The following NKAIN2 variants were observed in gnomAD, a reference collection of about 807,000 sequenced individuals.
The protein encoded by NKAIN2 is sodium/potassium transporting ATPase interacting 2.
Under a neutral mutation model 32.6 loss-of-function variants are expected in NKAIN2, and 14 were observed. The ratio of observed to expected loss-of-function variants is 0.43; its 90% CI spans 0.28 to 0.67. NKAIN2 has a LOEUF of 0.67. Among genes scored for constraint, NKAIN2 ranks in the 30% least tolerant of loss-of-function variants. NKAIN2 has a pLI of 0.17. For synonymous variants in NKAIN2, 80 were observed against 87.2 expected, an observed-to-expected ratio of 0.92 and a Z score of 0.46; for missense variants, 198 against 258.3, an observed-to-expected ratio of 0.77 and a Z score of 1.60.
intron 4 of NKAIN2, among the ~76,000 whole-genome samples, chr6:124,743,098 A>C (rs1420509712): frequency 1.3e-5 from 2 of 151,836 alleles, no homozygotes; most frequent in Non-Finnish European, 2.9e-5. Context: ...GAGGCAGGGG[A>C]TAGTGGTTGA....
intron 1 of NKAIN2, among the ~76,000 whole-genome samples, chr6:124,265,427 A>G (rs1258806730): frequency 6.6e-6 from 1 of 152,220 alleles, no homozygotes; most frequent in East Asian, 1.9e-4. Flanking sequence ...CAGGACACAT[A>G]GCACATACCA....
intron 1 of NKAIN2, among the ~76,000 whole-genome samples, chr6:123,951,913 T>C (rs1777345331): frequency 1.3e-5 from 2 of 151,934 alleles, no homozygotes; most frequent in African/African-American, 4.8e-5. Flanking sequence ...CATTTTTCTA[T>C]CTGTACAGTC....
intron 3 of NKAIN2, among the ~76,000 whole-genome samples, chr6:124,647,496 C>CAAAAAAAAAAA (rs1157607122): frequency 2.4e-4 from 14 of 58,936 alleles, no homozygotes; most frequent in Middle Eastern, 0.024. Flanking sequence ...GAGACTCTGT[C>CAAAAAAAAAAA]AAAAAAAAAA....
At chr6:124,359,248 C>A (rs1006083687) in intron 3 of NKAIN2, among the ~76,000 whole-genome samples, 18 of 148,154 alleles carry the variant, frequency 1.2e-4, no homozygotes, top group African/African-American at 3.9e-4. Context: ...ATTGACTTGG[C>A]AATGTGGGCT....
At chr6:124,385,746 T>C (rs1329552007) in intron 3 of NKAIN2, among the ~76,000 whole-genome samples, 6 of 150,940 alleles carry the variant, frequency 4.0e-5, no homozygotes, top group Admixed American at 2.6e-4. Flanking sequence ...ATCTCATGAG[T>C]AGCCAAGATC....
At chr6:124,308,600 C>T (rs1257822925) in intron 2 of NKAIN2, among the ~76,000 whole-genome samples, 1 of 152,008 alleles carries the variant, frequency 6.6e-6, no homozygotes, top group Non-Finnish European at 1.5e-5. Context: ...GCTTATTGTG[C>T]TTTAGAAAGA....
chr6:124,520,009 G>A (rs1779061879), intron 3 of NKAIN2, among the ~76,000 whole-genome samples: 1 of 152,012 alleles, frequency 6.6e-6, no homozygotes. Context: ...GAAACCTAAG[G>A]CAAACATGCT....
intron 1 of NKAIN2, among the ~76,000 whole-genome samples, chr6:124,093,661 A>G (rs1784523502): frequency 1.3e-5 from 2 of 152,152 alleles, no homozygotes; most frequent in African/African-American, 4.8e-5. Context: ...AAATTTTCAT[A>G]TGAAGTCTAT....
chr6:124,441,763 T>G (rs1433379787), intron 3 of NKAIN2, among the ~76,000 whole-genome samples: 1 of 152,046 alleles, frequency 6.6e-6, no homozygotes, highest in Non-Finnish European at 1.5e-5. Flanking sequence ...TAGAGATGGT[T>G]TTCTGTGCAG....
chr6:124,771,955 A>G (rs1374608646), intron 4 of NKAIN2, among the ~76,000 whole-genome samples: 1 of 152,188 alleles, frequency 6.6e-6, no homozygotes, highest in East Asian at 1.9e-4. Flanking sequence ...TAAGTAGCTC[A>G]ATGAGACTAG....
At chr6:124,762,164 A>G (rs1778297880) in intron 4 of NKAIN2, among the ~76,000 whole-genome samples, 1 of 152,166 alleles carries the variant, frequency 6.6e-6, no homozygotes, top group African/African-American at 2.4e-5. Context: ...GAAGTCCAAG[A>G]TCAAGGTGTT....
At chr6:123,952,065 C>G (rs528027715) in intron 1 of NKAIN2, among the ~76,000 whole-genome samples, 2 of 152,112 alleles carry the variant, frequency 1.3e-5, no homozygotes, top group South Asian at 4.2e-4. Context: ...CTTCGTTAAG[C>G]ATTTCTTGTA....
intron 1 of NKAIN2, among the ~76,000 whole-genome samples, chr6:124,038,341 C>T (rs60911336): frequency 0.012 from 1,828 of 151,774 alleles, 25 homozygotes; most frequent in Admixed American, 0.031. Context: ...CAGCCTCCTG[C>T]GTATCTGGGA....
intron 3 of NKAIN2, among the ~76,000 whole-genome samples, chr6:124,559,447 G>T (rs117093165): frequency 9.2e-5 from 14 of 152,076 alleles, no homozygotes; most frequent in African/African-American, 3.4e-4. Context: ...AGCGATAGAC[G>T]ATTCCTTACC....
intron 3 of NKAIN2, among the ~76,000 whole-genome samples, chr6:124,509,101 G>A (rs1220675076): frequency 6.6e-6 from 1 of 152,164 alleles, no homozygotes; most frequent in East Asian, 1.9e-4. Flanking sequence ...TTTAAGTCAA[G>A]GGGTGAGTAA....
intron 1 of NKAIN2, among the ~76,000 whole-genome samples, chr6:124,102,213 C>G (rs1367926740): frequency 2.0e-5 from 3 of 152,104 alleles, no homozygotes; most frequent in African/African-American, 7.2e-5. Flanking sequence ...GGACCACTGC[C>G]CCTTCACTGG....
chr6:124,058,689 A>C (rs1188835789), intron 1 of NKAIN2, among the ~76,000 whole-genome samples: 1 of 152,100 alleles, frequency 6.6e-6, no homozygotes, highest in Admixed American at 6.6e-5. Flanking sequence ...ATGACCCTTG[A>C]GCTAAGAATG....
At chr6:123,925,262 A>C (rs1582789852) in intron 1 of NKAIN2, among the ~76,000 whole-genome samples, 2 of 152,332 alleles carry the variant, frequency 1.3e-5, no homozygotes, top group African/African-American at 4.8e-5. Context: ...GCTAAGTTTG[A>C]ATATAAAACA....
chr6:124,680,236 TGTG>T lies in NKAIN2; in HGVS notation c.474+21851_474+21853del. Among the ~76,000 whole-genome samples, 3 of 152,228 alleles carry T rather than the reference TGTG, an allele frequency of 2.0e-5. No individual in the cohort carries two copies. In the East Asian group the frequency reaches 5.8e-4, roughly 29 times the overall value. On this transcript the variant is annotated intron_variant, in intron 4 of 6. Transcript: ENST00000368417. ...ATAATAATGTTTAAAATTTAAGGAA[TGTG>T]TTTCCCTTAAAGATTTACTGCAGAC...
Sources: gnomAD v4.1 joint callset for allele counts (sites outside exome capture counted in the v4.1 genomes callset) on GRCh38, gnomAD v4.1.1 for gene constraint, MANE v1.5 for transcripts, NCBI Gene and HGNC (gene_info 2026-07-23, HGNC 2026-07-21) for gene names.